Variants in GALNTL6 observed in about 807,000 individuals in gnomAD.
GALNTL6 encodes the protein polypeptide N-acetylgalactosaminyltransferase-like 6.
A neutral mutation model predicts 73.7 loss-of-function variants in GALNTL6; 46 were observed. The observed-to-expected ratio is 0.62, with a 90% CI of 0.49 to 0.80. The LOEUF (loss-of-function observed/expected upper bound fraction) is 0.80. GALNTL6 is among the 30% of genes least tolerant of loss of function. The pLI is 0.00. For missense variants in GALNTL6, 604 were observed against 755.0 expected, an observed-to-expected ratio of 0.80 and a Z score of 2.34; for synonymous variants, 259 against 263.7, an observed-to-expected ratio of 0.98 and a Z score of 0.17.
intron 2 of GALNTL6, among the ~76,000 whole-genome samples, chr4:171,883,030 A>G (rs1226268108): frequency 6.6e-6 from 1 of 152,106 alleles, no homozygotes. Context: ...TGTGTTTTAA[A>G]TTCTCTTGTA....
intron 2 of GALNTL6, among the ~76,000 whole-genome samples, chr4:171,874,518 G>C (rs1172318573): frequency 6.6e-6 from 1 of 152,054 alleles, no homozygotes; most frequent in Non-Finnish European, 1.5e-5. Context: ...ATTTCCTAGG[G>C]AAAAGTCATT....
intron 12 of GALNTL6, among the ~76,000 whole-genome samples, chr4:173,029,468 T>A (rs1259732782): frequency 6.6e-6 from 1 of 152,234 alleles, no homozygotes; most frequent in East Asian, 1.9e-4. Context: ...CTGCAGATAG[T>A]CTTAGAGAGT....
At chr4:172,703,321 C>A (rs1309089537) in intron 5 of GALNTL6, among the ~76,000 whole-genome samples, 1 of 151,916 alleles carries the variant, frequency 6.6e-6, no homozygotes, top group East Asian at 1.9e-4. Flanking sequence ...TAGGATATTA[C>A]CTATGGATTT....
At chr4:173,002,578 A>G (rs1561079857) in intron 10 of GALNTL6, among the ~76,000 whole-genome samples, 1 of 151,780 alleles carries the variant, frequency 6.6e-6, no homozygotes, top group Non-Finnish European at 1.5e-5. Context: ...GTGGATCATG[A>G]GGTCAGGAGA....
At chr4:172,019,152 G>A (rs1416289255) in intron 2 of GALNTL6, among the ~76,000 whole-genome samples, 7 of 151,976 alleles carry the variant, frequency 4.6e-5, no homozygotes, top group African/African-American at 7.3e-5. Context: ...CTGTTTTCCC[G>A]GTACACTCCT....
intron 2 of GALNTL6, among the ~76,000 whole-genome samples, chr4:172,112,336 G>C (rs1579150787): frequency 6.6e-6 from 1 of 151,928 alleles, no homozygotes; most frequent in African/African-American, 2.4e-5. Flanking sequence ...TGGCAATTAC[G>C]AATAAAGCTG....
chr4:171,822,862 G>C (rs538913246), intron 2 of GALNTL6, among the ~76,000 whole-genome samples: 1 of 152,166 alleles, frequency 6.6e-6, no homozygotes, highest in South Asian at 2.1e-4. Context: ...AAATTATTTA[G>C]AGTTTAGAAG....
At position 171,989,659 on chromosome 4, in the gene GALNTL6, G is replaced by A. The variant is rs1740270230; in HGVS notation, c.138+174941G>A. 2.0e-5 allele frequency among the ~76,000 whole-genome samples: 3 copies of A among 152,160 alleles called. No homozygotes were observed. In the South Asian group the frequency reaches 6.2e-4, roughly 31 times the overall value. ...CTTGGCTGCCTCTACTCTTATTACT[G>A]CACATCTTGAAGGCAATGTTAATTA... On this transcript the variant is annotated intron_variant, in intron 2 of 12. Coordinates refer to ENST00000506823, the MANE Select transcript of GALNTL6 (RefSeq NM_001034845.3).
intron 2 of GALNTL6, among the ~76,000 whole-genome samples, chr4:172,099,301 G>C (rs1732445403): frequency 6.6e-6 from 1 of 151,948 alleles, no homozygotes; most frequent in Non-Finnish European, 1.5e-5. Flanking sequence ...CAATATGAGG[G>C]AGCTTCACAA....
At chr4:172,018,725 C>T (rs1741295521) in intron 2 of GALNTL6, among the ~76,000 whole-genome samples, 1 of 152,126 alleles carries the variant, frequency 6.6e-6, no homozygotes, top group African/African-American at 2.4e-5. Context: ...CAACAGTTCC[C>T]TTTTACCCCT....
In GALNTL6 at chr4:172,308,003, C is replaced by CTTTTTTTTTTTTTTTT. The variant is rs70941399; in HGVS notation, c.248-3596_248-3581dup. ...TCCATGAGCATGGGATGTGTTTTAACTTTTTTTTTTTTTTTTTTTTTTTTT... is the reference window on the plus strand; with the variant it reads ...TCCATGAGCATGGGATGTGTTTTAACTTTTTTTTTTTTTTTTTTTTTTTTTTTTTTTTTTTTTTTTT... On this transcript the variant is annotated intron_variant, in intron 3 of 12. Transcript: ENST00000506823. 6.1e-4 allele frequency among the ~76,000 whole-genome samples: 21 copies of CTTTTTTTTTTTTTTTT among 34,586 alleles called. 2 individuals carry two copies. The highest frequency in any genetic ancestry group is 1.4e-3 in the East Asian group (1 of 720). 22.7% of individuals were successfully genotyped at this position (34,586 alleles called of 152,430 possible).
At chr4:172,224,020 A>G (rs1361298056) in intron 2 of GALNTL6, among the ~76,000 whole-genome samples, 1 of 152,140 alleles carries the variant, frequency 6.6e-6, no homozygotes, top group East Asian at 1.9e-4. Context: ...CAGAGTTTCA[A>G]CCACATAATT....
At chr4:172,332,587 A>G (rs1218091419) in intron 4 of GALNTL6, among the ~76,000 whole-genome samples, 1 of 151,942 alleles carries the variant, frequency 6.6e-6, no homozygotes, top group Non-Finnish European at 1.5e-5. Flanking sequence ...TATTTTAATT[A>G]AGATAATGAC....
rs530294766 is a variant in GALNTL6 at position 172,916,701 on chromosome 4, A to G, written c.1042-14460A>G. 2.6e-5 allele frequency among the ~76,000 whole-genome samples: 4 copies of G among 152,270 alleles called. 1 individual carries two copies. In the South Asian group the frequency reaches 8.3e-4, roughly 32 times the overall value. On this transcript the variant is annotated intron_variant, in intron 8 of 12. Transcript: ENST00000506823. ...AATCGAACTTACAAGGGATGTGAAG[A>G]ACCGTTTCAAGGAGAACTACAAACC...
chr4:172,868,079 C>T (rs777672991), intron 7 of GALNTL6, among the ~76,000 whole-genome samples: 5 of 152,182 alleles, frequency 3.3e-5, no homozygotes, highest in Non-Finnish European at 7.3e-5. Flanking sequence ...CAGAACATAG[C>T]AGTGAATAGA....
chr4:172,836,827 G>A (rs2111070853), intron 7 of GALNTL6, among the ~76,000 whole-genome samples: 1 of 152,218 alleles, frequency 6.6e-6, no homozygotes, highest in African/African-American at 2.4e-5. Flanking sequence ...GGTCAACTGG[G>A]TAAGGAACAT....
chr4:172,502,671 G>A (rs866766304), intron 5 of GALNTL6, among the ~76,000 whole-genome samples: 5 of 152,180 alleles, frequency 3.3e-5, no homozygotes, highest in African/African-American at 1.2e-4. Flanking sequence ...AATCAAGTTA[G>A]TTTAATAAGG....
At chr4:172,151,642 A>G (rs1383571670) in intron 2 of GALNTL6, among the ~76,000 whole-genome samples, 1 of 152,188 alleles carries the variant, frequency 6.6e-6, no homozygotes, top group East Asian at 1.9e-4. Context: ...AGTTGTTGAA[A>G]GAAGATTTTG....
chr4:172,700,508 AG>A (rs1373570652), intron 5 of GALNTL6, among the ~76,000 whole-genome samples: 1 of 152,150 alleles, frequency 6.6e-6, no homozygotes, highest in Admixed American at 6.6e-5. Context: ...TACTGAAGGT[AG>A]GATTCTTCAG....
Sources: gnomAD v4.1 joint callset for allele counts (sites outside exome capture counted in the v4.1 genomes callset) on GRCh38, gnomAD v4.1.1 for gene constraint, MANE v1.5 for transcripts, NCBI Gene and HGNC (gene_info 2026-07-23, HGNC 2026-07-21) for gene names.